Variants in TBC1D30 observed in about 807,000 individuals in gnomAD.
TBC1D30 encodes the protein TBC1 domain family, member 30.
A neutral mutation model predicts 63.2 loss-of-function variants in TBC1D30; 31 were observed. The observed-to-expected ratio is 0.49, with a 90% CI of 0.37 to 0.66. TBC1D30 has a LOEUF of 0.66. Among genes scored for constraint, TBC1D30 ranks in the 30% least tolerant of loss-of-function variants. TBC1D30 has a pLI of 0.00. For missense variants in TBC1D30, 810 were observed against 953.6 expected, an observed-to-expected ratio of 0.85 and a Z score of 1.98; for synonymous variants, 307 against 361.5, an observed-to-expected ratio of 0.85 and a Z score of 1.71.
chr12:64,856,411 A>G (rs1304766252), intron 8 of TBC1D30, among the ~76,000 whole-genome samples: 1 of 152,224 alleles, frequency 6.6e-6, no homozygotes, highest in Non-Finnish European at 1.5e-5. Flanking sequence ...CAAGCCCAAT[A>G]ATGCTGTGGT....
intron 2 of TBC1D30, among the ~76,000 whole-genome samples, chr12:64,800,564 A>G (rs980153333): frequency 6.6e-6 from 1 of 152,050 alleles, no homozygotes; most frequent in African/African-American, 2.4e-5. Flanking sequence ...TGGGAAGAGG[A>G]GGAATCTGGG....
chr12:64,868,439 G>A (rs185757345), intron 10 of TBC1D30: 88 of 226,074 alleles, frequency 3.9e-4, no homozygotes, highest in African/African-American at 1.3e-3. Context: ...ATGACAGTTT[G>A]GGTTCTGTAA....
Position 64,843,417 on chromosome 12 carries a change from A to G in TBC1D30, c.970A>G (p.Ser324Gly), listed in dbSNP as rs1274460397. The G allele has an allele frequency of 1.3e-6, 2 of 1,536,280 alleles. No homozygotes were observed. The highest frequency in any genetic ancestry group is 2.7e-5 in the African/African-American group (2 of 73,066). ...ECCETADEFY[S>G]TMGRLTQEML... Reference sequence around the variant, plus strand: ...TTGTGAAACAGCAGATGAATTCTACAGCACCATGGGGCGCCTTACCCAGGA... The same window carrying G: ...TTGTGAAACAGCAGATGAATTCTACGGCACCATGGGGCGCCTTACCCAGGA... The change falls in exon 8 of 12, where the codon AGC becomes GGC. Residue 324 changes from serine (S) to glycine (G), a missense_variant. By Grantham distance (56) the Ser-to-Gly change is moderately conservative (BLOSUM62 0). Around this residue, in one of 4 missense-constraint regions of TBC1D30, gnomAD observed 83 missense variants for 121.5 expected, o/e 0.68. Transcript: ENST00000539867.
At chr12:64,826,577 T>G (rs1329914567) in intron 1 of TBC1D30, among the ~76,000 whole-genome samples, 4 of 152,096 alleles carry the variant, frequency 2.6e-5, no homozygotes, top group Non-Finnish European at 5.9e-5. Flanking sequence ...CTGGAAACAC[T>G]CCCGTGGCCG....
At chr12:64,860,241 C>T (rs1877673566) in intron 8 of TBC1D30, among the ~76,000 whole-genome samples, 2 of 151,750 alleles carry the variant, frequency 1.3e-5, no homozygotes, top group Admixed American at 1.3e-4. Context: ...TGGTTTTGAA[C>T]TCCTGGGCTC....
rs1879106859 is a variant in TBC1D30, at chr12:64,876,646, C to T, written c.*858C>T. ...CCCCACCACACAGCTCACTCACCCACCAGCTCTAGACTGCAGACGCACAAG... is the reference window on the plus strand; with the variant it reads ...CCCCACCACACAGCTCACTCACCCATCAGCTCTAGACTGCAGACGCACAAG... On this transcript the variant is annotated 3_prime_UTR_variant, in exon 12 of 12. Coordinates refer to ENST00000539867, the MANE Select transcript of TBC1D30 (RefSeq NM_015279.2). 3 of 382,096 alleles carry T rather than the reference C, an allele frequency of 7.9e-6. No homozygotes were observed. The highest frequency in any genetic ancestry group is 1.6e-5 in the Non-Finnish European group (3 of 189,840). 23.7% of individuals were successfully genotyped at this position (382,096 alleles called of 1,614,324 possible). A position where few individuals can be genotyped will look rare whatever the true frequency, so the allele number is the denominator to read the frequency against.
intron 2 of TBC1D30, among the ~76,000 whole-genome samples, chr12:64,796,983 A>C (rs1372509666): frequency 7.6e-6 from 1 of 130,886 alleles, no homozygotes; most frequent in Non-Finnish European, 1.6e-5. Context: ...CTGAATGCTT[A>C]CTTTTAGGAA....
At chr12:64,851,186 G>T (rs554055328) in intron 8 of TBC1D30, among the ~76,000 whole-genome samples, 1 of 151,752 alleles carries the variant, frequency 6.6e-6, no homozygotes, top group Non-Finnish European at 1.5e-5. Flanking sequence ...TCTGGCTAGC[G>T]GTCTGTCTAT....
At chr12:64,844,191 C>T (rs1876156371) in intron 8 of TBC1D30, among the ~76,000 whole-genome samples, 1 of 152,122 alleles carries the variant, frequency 6.6e-6, no homozygotes, top group African/African-American at 2.4e-5. Flanking sequence ...TTGTTTTGCC[C>T]ACACTTTCAA....
intron 2 of TBC1D30, chr12:64,786,081 T>C (rs1271085728): frequency 7.9e-7 from 1 of 1,267,536 alleles, no homozygotes; most frequent in Admixed American, 2.3e-5. Context: ...TTTTGCCACA[T>C]GCAACTAGAA....
At chr12:64,822,275 G>A (rs1270468061), upstream of TBC1D30, among the ~76,000 whole-genome samples, 2 of 150,938 alleles carry the variant, frequency 1.3e-5, no homozygotes, top group African/African-American at 4.9e-5. Flanking sequence ...TGAATTCCTG[G>A]GTTCAAGTGA....
intron 1 of TBC1D30, among the ~76,000 whole-genome samples, chr12:64,783,272 G>A (rs545253404): frequency 6.6e-6 from 1 of 152,294 alleles, no homozygotes; most frequent in East Asian, 1.9e-4. Context: ...TTTGGAGTCA[G>A]ACTCCTGGGT....
chr12:64,806,569 C>T (rs1037806919), intron 2 of TBC1D30, among the ~76,000 whole-genome samples: 6 of 152,038 alleles, frequency 3.9e-5, no homozygotes, highest in Admixed American at 3.9e-4. Flanking sequence ...CCCTTGTGCA[C>T]GGTTGATGAG....
At chr12:64,811,693 T>C (rs1873229776) in intron 2 of TBC1D30, among the ~76,000 whole-genome samples, 1 of 152,234 alleles carries the variant, frequency 6.6e-6, no homozygotes, top group South Asian at 2.1e-4. Flanking sequence ...TCACTTGTTC[T>C]GTTATCATGA....
chr12:64,770,457 C>T (rs61932683), intron 1 of TBC1D30, among the ~76,000 whole-genome samples: 78 of 152,244 alleles, frequency 5.1e-4, no homozygotes, highest in Non-Finnish European at 9.1e-4. Flanking sequence ...ATGCAGAATC[C>T]CTTTACTCTC....
At chr12:64,785,423 C>T (rs1205812626) in intron 1 of TBC1D30, among the ~76,000 whole-genome samples, 1 of 150,908 alleles carries the variant, frequency 6.6e-6, no homozygotes, top group East Asian at 2.0e-4. Context: ...GCTGGGATTA[C>T]AGGTGTGAGC....
At chr12:64,842,050 G>A (rs1296407854) in intron 7 of TBC1D30, among the ~76,000 whole-genome samples, 1 of 152,050 alleles carries the variant, frequency 6.6e-6, no homozygotes, top group Non-Finnish European at 1.5e-5. Flanking sequence ...TACAAACAAC[G>A]TTGTCATATA....
At chr12:64,762,673 A>C (rs1870559505) in intron 1 of TBC1D30, among the ~76,000 whole-genome samples, 1 of 152,256 alleles carries the variant, frequency 6.6e-6, no homozygotes, top group Admixed American at 6.5e-5. Context: ...TTTATTAAGT[A>C]ACTGCCAGGC....
upstream of TBC1D30, among the ~76,000 whole-genome samples, chr12:64,779,749 G>A (rs1053473476): frequency 2.6e-5 from 4 of 152,162 alleles, no homozygotes; most frequent in Admixed American, 2.0e-4. Flanking sequence ...TTTATTCTTT[G>A]TGAATGGACA....
Sources: allele counts gnomAD v4.1 joint callset (sites outside exome capture counted in the v4.1 genomes callset), GRCh38; gene constraint gnomAD v4.1.1; regional missense constraint gnomAD v4.1.1; transcripts MANE v1.5; gene names NCBI Gene and HGNC (gene_info 2026-07-23, HGNC 2026-07-21).